Variants in TRPM3 observed in about 807,000 individuals in gnomAD.
TRPM3 encodes the protein transient receptor potential cation channel subfamily M member 3, also known as long transient receptor potential channel 3.
TRPM3 carries 77 observed loss-of-function variants against 181.2 expected under a neutral mutation model. The ratio of observed to expected loss-of-function variants is 0.42; its 90% CI spans 0.35 to 0.51. The LOEUF is 0.51. Ranked by LOEUF, TRPM3 falls within the 20% of genes least tolerant of loss-of-function variation. The pLI, the probability that TRPM3 is intolerant of heterozygous loss-of-function variation, is 0.01. For synonymous variants in TRPM3, 745 were observed against 796.4 expected (o/e 0.94, Z 1.09); for missense variants, 1,759 against 2,196.7 (o/e 0.80, Z 3.98).
intron 1 of TRPM3, among the ~76,000 whole-genome samples, chr9:71,415,926 G>T (rs1350944655): frequency 6.6e-6 from 1 of 151,694 alleles, no homozygotes; most frequent in Non-Finnish European, 1.5e-5. Context: ...TACAAGAATG[G>T]ATGATAGAAA....
chr9:70,853,586 T>C (rs1042815679), intron 3 of TRPM3, among the ~76,000 whole-genome samples: 2 of 152,176 alleles, frequency 1.3e-5, no homozygotes, highest in African/African-American at 2.4e-5. Context: ...CCACAATAAA[T>C]ATGAAAATGG....
intron 1 of TRPM3, among the ~76,000 whole-genome samples, chr9:70,978,124 C>T (rs757319711): frequency 5.9e-5 from 9 of 152,122 alleles, no homozygotes; most frequent in South Asian, 2.1e-4. Flanking sequence ...CTCATTAGGA[C>T]GAGAGATGCT....
In TRPM3 at chr9:70,869,095, G is replaced by A. The variant is rs2095726836; in HGVS notation, c.178-4584C>T. The A allele has an allele frequency of 1.2e-5, 12 of 974,480 alleles. No homozygotes were observed. In the South Asian group the frequency reaches 5.7e-4, roughly 46 times the overall value. 60.4% of individuals were successfully genotyped at this position (974,480 alleles called of 1,614,324 possible). ...TTCCGTTAATAATGCTCTTATGACC[G>A]CCCACTGGAAAAAAAAAGTCACTTG... On this transcript the variant is annotated intron_variant, in intron 1 of 25. Coordinates refer to ENST00000677713, the MANE Select transcript of TRPM3 (RefSeq NM_001366145.2).
At chr9:70,772,953 A>T (rs946386171) in intron 7 of TRPM3, among the ~76,000 whole-genome samples, 5 of 151,606 alleles carry the variant, frequency 3.3e-5, no homozygotes, top group South Asian at 4.2e-4. Context: ...GAAAAGTCAA[A>T]TTTTTTTTAT....
At chr9:70,567,217 AC>A (rs1169019702) in intron 22 of TRPM3, among the ~76,000 whole-genome samples, 1 of 152,234 alleles carries the variant, frequency 6.6e-6, no homozygotes, top group African/African-American at 2.4e-5. Flanking sequence ...GTTAACCTGA[AC>A]AATTTTCTAG....
chr9:70,899,902 G>A (rs547824166), intron 1 of TRPM3, among the ~76,000 whole-genome samples: 1 of 152,298 alleles, frequency 6.6e-6, no homozygotes, highest in African/African-American at 2.4e-5. Flanking sequence ...ATATATACTT[G>A]ATGAGACTGG....
intron 8 of TRPM3, among the ~76,000 whole-genome samples, chr9:70,683,083 T>C (rs1181772819): frequency 2.0e-5 from 3 of 152,136 alleles, no homozygotes; most frequent in Non-Finnish European, 4.4e-5. Flanking sequence ...CCTTTATAAC[T>C]TGGGAAAAAA....
intron 18 of TRPM3, among the ~76,000 whole-genome samples, chr9:70,612,310 G>A (rs1168694118): frequency 1.3e-5 from 2 of 152,206 alleles, no homozygotes; most frequent in Non-Finnish European, 2.9e-5. Context: ...TGTGAAGACA[G>A]GGTAAGACTT....
chr9:71,412,672 C>T (rs1456470308), intron 1 of TRPM3, among the ~76,000 whole-genome samples: 3 of 152,112 alleles, frequency 2.0e-5, no homozygotes, highest in East Asian at 3.9e-4. Flanking sequence ...AGTTCAACCA[C>T]TGGGGAAGAC....
intron 1 of TRPM3, among the ~76,000 whole-genome samples, chr9:71,302,180 GA>G (rs11398353): frequency 3.3e-5 from 5 of 151,494 alleles, no homozygotes; most frequent in South Asian, 2.1e-4. Context: ...TTACACATTT[GA>G]AAAAAAATCA....
intron 1 of TRPM3, among the ~76,000 whole-genome samples, chr9:71,291,802 G>A (rs955350260): frequency 6.6e-6 from 1 of 152,066 alleles, no homozygotes; most frequent in Non-Finnish European, 1.5e-5. Context: ...GAAACGACTT[G>A]AGTAACAGAA....
intron 1 of TRPM3, among the ~76,000 whole-genome samples, chr9:70,998,277 A>G (rs937902107): frequency 2.1e-5 from 3 of 145,606 alleles, no homozygotes; most frequent in Non-Finnish European, 4.5e-5. Flanking sequence ...TTTTTTTAGT[A>G]TTTTTCTTAC....
chr9:70,800,639 C>A (rs1382214084), intron 6 of TRPM3, among the ~76,000 whole-genome samples: 3 of 152,166 alleles, frequency 2.0e-5, no homozygotes, highest in Non-Finnish European at 4.4e-5. Context: ...CCCACTTCTA[C>A]TTAGTGAATA....
chr9:70,757,052 G>A (rs974453587), intron 8 of TRPM3, among the ~76,000 whole-genome samples: 7 of 152,022 alleles, frequency 4.6e-5, no homozygotes, highest in African/African-American at 1.4e-4. Flanking sequence ...TCCAGGAGGT[G>A]GTTTTTCTGA....
rs184351445 is a variant in TRPM3, at chr9:70,852,038, G to A, written c.463-5447C>T. Among the ~76,000 whole-genome samples the A allele has an allele frequency of 4.9e-3, 689 of 139,830 alleles. 5 individuals are homozygous for A. The highest frequency in any genetic ancestry group is 0.018 in the African/African-American group (662 of 37,228). The allele number at this position is 139,830 out of a possible 152,430, so 91.7% of individuals were successfully genotyped here. Reference sequence around the variant, plus strand: ...GGAGGCTGAGGCAGAAGAATCACTTGAACCCAGGAGGTGGAGGTTGCGGTG... The same window carrying A: ...GGAGGCTGAGGCAGAAGAATCACTTAAACCCAGGAGGTGGAGGTTGCGGTG... On this transcript the variant is annotated intron_variant, in intron 3 of 25. Coordinates refer to ENST00000677713, the MANE Select transcript of TRPM3 (RefSeq NM_001366145.2).
chr9:70,586,228 G>A (rs7866389), intron 22 of TRPM3, among the ~76,000 whole-genome samples: 2,991 of 152,224 alleles, frequency 0.02, 101 homozygotes, highest in African/African-American at 0.069. Flanking sequence ...CAAAGCCTCC[G>A]TCACATGTAT....
chr9:70,752,207 C>G (rs1315217517), intron 8 of TRPM3, among the ~76,000 whole-genome samples: 1 of 152,126 alleles, frequency 6.6e-6, no homozygotes, highest in Non-Finnish European at 1.5e-5. Context: ...TAAAGTTACA[C>G]TGATTAGAAA....
At chr9:70,907,769 A>T (rs1300446925) in intron 1 of TRPM3, among the ~76,000 whole-genome samples, 2 of 152,034 alleles carry the variant, frequency 1.3e-5, no homozygotes, top group Non-Finnish European at 2.9e-5. Flanking sequence ...TGTGTACCCA[A>T]TGTTTAGCTC....
chr9:71,278,519 T>G (rs375639015), intron 1 of TRPM3, among the ~76,000 whole-genome samples: 211 of 152,298 alleles, frequency 1.4e-3, no homozygotes, highest in African/African-American at 4.7e-3. Flanking sequence ...GTGTTAATTT[T>G]CAAAGAAACA....
Sources: gnomAD v4.1 joint callset for allele counts (sites outside exome capture counted in the v4.1 genomes callset) on GRCh38, gnomAD v4.1.1 for gene constraint, MANE v1.5 for transcripts, NCBI Gene and HGNC (gene_info 2026-07-23, HGNC 2026-07-21) for gene names.